The following PRSS55 variants were observed in gnomAD, a reference collection of about 807,000 sequenced individuals.
The protein encoded by PRSS55 is serine protease 55, also known as probable serine protease UNQ9391/PRO34284.
PRSS55 carries 41 observed loss-of-function variants against 23.6 expected under a neutral mutation model. The ratio of observed to expected loss-of-function variants is 1.74; its 90% confidence interval spans 1.35 to 2.26. PRSS55 has a LOEUF of 2.26. PRSS55 is among the 30% of genes most tolerant of loss of function. The pLI is 0.00. For missense variants in PRSS55, 669 were observed against 439.1 expected, an observed-to-expected ratio of 1.52 and a Z score of -4.68; for synonymous variants, 262 against 175.5, an observed-to-expected ratio of 1.49 and a Z score of -3.90.
chr8:10,533,083 C>T (rs762347544), intron 4 of PRSS55, 35 bp downstream of exon 4: 16 of 1,608,936 alleles, frequency 9.9e-6, no homozygotes, highest in African/African-American at 1.3e-5. Flanking sequence ...CCTTATAGGT[C>T]CTCACCCTCT....
chr8:10,552,887 T>C (rs1238040175), intron 4 of PRSS55, among the ~76,000 whole-genome samples: 1 of 152,228 alleles, frequency 6.6e-6, no homozygotes. Context: ...AAAATAGAAC[T>C]ACCATATCAT....
At chr8:10,553,828 T>A (rs780607042) in intron 4 of PRSS55, 1 of 640,958 alleles carries the variant, frequency 1.6e-6, no homozygotes, top group Non-Finnish European at 2.6e-6. Flanking sequence ...GATGGATATG[T>A]TAATTAGTTT....
intron 1 of PRSS55, chr8:10,529,291 CTCTA>C (rs957129961): frequency 2.5e-5 from 15 of 599,908 alleles, no homozygotes; most frequent in African/African-American, 1.3e-4. Context: ...ATGCTTCTGA[CTCTA>C]TCTGTTGCTG....
At chr8:10,544,809 CT>C (rs1013456211) in intron 4 of PRSS55, among the ~76,000 whole-genome samples, 5 of 151,966 alleles carry the variant, frequency 3.3e-5, no homozygotes, top group African/African-American at 1.2e-4. Flanking sequence ...TCCTCCTCCT[CT>C]TTTTTTTGCT....
chr8:10,538,566 G>T lies in PRSS55; in HGVS notation c.832G>T (p.Glu278Ter), dbSNP rs1554584022. The change falls in exon 5 of 5, where the codon GAG (glutamate) becomes TAG (stop). Residue 278 changes from glutamate to a stop codon, truncating the protein, a stop_gained. Coordinates refer to ENST00000328655, the MANE Select transcript of PRSS55 (RefSeq NM_198464.4). LOFTEE classifies it low-confidence loss of function (END_TRUNC). ...GIISWGKSCG[E>*]KNTPGIYTSL... ...CATAAGCTGGGGAAAGAGCTGTGGA[G>T]AGAAGAACACCCCAGGGATATACAC... 1 of 1,614,162 alleles carries T rather than the reference G, an allele frequency of 6.2e-7. No individual in the cohort carries two copies. Among genetic ancestry groups the T allele is most frequent in the Non-Finnish European group, 8.5e-7 (1 of 1,180,014 alleles).
At chr8:10,537,599 T>G (rs1000405630) in intron 4 of PRSS55, among the ~76,000 whole-genome samples, 1 of 152,138 alleles carries the variant, frequency 6.6e-6, no homozygotes, top group East Asian at 1.9e-4. Context: ...AGAGTGGAAT[T>G]GAAACGTTCT....
chr8:10,545,739 T>C (rs1257085241), intron 4 of PRSS55, among the ~76,000 whole-genome samples: 1 of 152,200 alleles, frequency 6.6e-6, no homozygotes, highest in African/African-American at 2.4e-5. Flanking sequence ...GAGACATGTG[T>C]TATTCATTGT....
At chr8:10,551,375 A>C (rs1812947152) in intron 4 of PRSS55, among the ~76,000 whole-genome samples, 1 of 152,198 alleles carries the variant, frequency 6.6e-6, no homozygotes, top group South Asian at 2.1e-4. Flanking sequence ...ATAAGTGTTC[A>C]GTTCTTTTCT....
Position 10,525,734 on chromosome 8 carries a change from T to C in PRSS55, c.149T>C (p.Val50Ala), listed in dbSNP as rs772783906. The change falls in exon 1 of 5, where the codon GTC becomes GCC. Residue 50 changes from valine to alanine, a missense_variant. Physicochemically the swap from Val to Ala is moderately conservative, Grantham distance 64. Transcript: ENST00000328655. ...RPQPPHPPSP[V>A]SECGDRSIFE... is the part of the protein sequence containing the mutation. ...CAGCCCCCTCATCCCCCCAGCCCAGTCAGTGGTGAGTACAGGGGCAGAAGG... is the reference window on the plus strand; with the variant it reads ...CAGCCCCCTCATCCCCCCAGCCCAGCCAGTGGTGAGTACAGGGGCAGAAGG... 4 of 1,605,078 alleles carry C rather than the reference T, an allele frequency of 2.5e-6. No homozygotes were observed. In the Admixed American group the frequency reaches 6.8e-5, roughly 27 times the overall value.
At chr8:10,544,156 TCTTC>T (rs776776122) in intron 4 of PRSS55, among the ~76,000 whole-genome samples, 1 of 152,180 alleles carries the variant, frequency 6.6e-6, no homozygotes, top group Non-Finnish European at 1.5e-5. Flanking sequence ...ATTGTCTCTT[TCTTC>T]CTTCAATTGT....
downstream of PRSS55, among the ~76,000 whole-genome samples, chr8:10,542,244 C>G (rs1319950076): frequency 1.3e-5 from 2 of 151,880 alleles, no homozygotes; most frequent in Non-Finnish European, 2.9e-5. Flanking sequence ...CTGTGGTGCC[C>G]CAGTGCGGAT....
intron 4 of PRSS55, among the ~76,000 whole-genome samples, chr8:10,543,891 T>A (rs1454703932): frequency 6.6e-6 from 1 of 152,190 alleles, no homozygotes; most frequent in African/African-American, 2.4e-5. Flanking sequence ...AGAACATACT[T>A]TGTATTATTT....
intron 1 of PRSS55, among the ~76,000 whole-genome samples, chr8:10,527,883 T>C (rs935973222): frequency 6.6e-6 from 1 of 152,234 alleles, no homozygotes; most frequent in East Asian, 1.9e-4. Context: ...GTAAGCATCA[T>C]ATGTAAATAA....
At position 10,538,667 on chromosome 8, in the gene PRSS55, G is replaced by C. The variant is rs766432198; in HGVS notation, c.933G>C (p.Arg311Ser). The C allele has an allele frequency of 2.4e-5, 38 of 1,614,052 alleles. No individual in the cohort carries two copies. The highest frequency in any genetic ancestry group is 1.2e-4 in the Admixed American group (7 of 59,996). Residue 311 changes from arginine to serine, a missense_variant, in exon 5 of 5, where the codon AGG becomes AGC. By Grantham distance (110) the Arg-to-Ser change is moderately radical. Transcript: ENST00000328655. ...LEGRPFNAEK[R>S]RTSVKQKPMG... ...GCAGGCCCTTCAATGCAGAGAAAAG[G>C]AGGACTTCTGTCAAACAGAAACCTA...
At chr8:10,548,660 G>A (rs148869019) in intron 4 of PRSS55, among the ~76,000 whole-genome samples, 37 of 152,264 alleles carry the variant, frequency 2.4e-4, no homozygotes, top group African/African-American at 8.2e-4. Context: ...GGAAGCAGAC[G>A]AGGAGCTGTT....
chr8:10,547,226 G>A (rs548818548), intron 4 of PRSS55, among the ~76,000 whole-genome samples: 60 of 152,278 alleles, frequency 3.9e-4, no homozygotes, highest in Non-Finnish European at 6.9e-4. Context: ...GCCGCCGAGG[G>A]GTGAGCGTAG....
rs781272952 is a variant in PRSS55, at chr8:10,538,804, G to A, written c.*11G>A. On this transcript the variant is annotated 3_prime_UTR_variant, in exon 5 of 5. Coordinates refer to ENST00000328655, the MANE Select transcript of PRSS55 (RefSeq NM_198464.4). ...GCTATTTTGTACTGATAATAAAATA[G>A]AGGCTATTCTTTCAACCGAGGGAGG... 2 of 1,536,646 alleles carry A rather than the reference G, an allele frequency of 1.3e-6. No homozygotes were observed. Among genetic ancestry groups the A allele is most frequent in the Non-Finnish European group, 1.7e-6 (2 of 1,144,298 alleles).
chr8:10,532,989 A>T lies in PRSS55; in HGVS notation c.682A>T (p.Lys228Ter). 1 of 1,614,202 alleles carries T rather than the reference A, an allele frequency of 6.2e-7. No homozygotes were observed. Among genetic ancestry groups the T allele is most frequent in the Non-Finnish European group, 8.5e-7 (1 of 1,180,038 alleles). Reference protein sequence around the residue: ...DWEECSKMFPKLTKNMLCAGY... With the variant: ...DWEECSKMFP ...GGAGGAGTGTTCAAAGATGTTTCCAAAACTTACCAAAAATATGCTGTGTGC... is the reference window on the plus strand; with the variant it reads ...GGAGGAGTGTTCAAAGATGTTTCCATAACTTACCAAAAATATGCTGTGTGC... The change falls in exon 4 of 5, where the codon AAA (lysine) becomes TAA (stop). Residue 228 changes from lysine to a stop codon, truncating the protein, a stop_gained. Coordinates refer to ENST00000328655, the MANE Select transcript of PRSS55 (RefSeq NM_198464.4). LOFTEE classifies it high-confidence loss of function.
chr8:10,552,292 G>A (rs1451901459), intron 4 of PRSS55, among the ~76,000 whole-genome samples: 4 of 152,164 alleles, frequency 2.6e-5, no homozygotes, highest in South Asian at 2.1e-4. Context: ...GTTAATCATG[G>A]CAAAGCTACG....
Sources: allele counts gnomAD v4.1 joint callset (sites outside exome capture counted in the v4.1 genomes callset), GRCh38; gene constraint gnomAD v4.1.1; transcripts MANE v1.5; gene names NCBI Gene and HGNC (gene_info 2026-07-23, HGNC 2026-07-21).